Variants in GALNT13 observed in about 807,000 individuals in gnomAD.
The protein encoded by GALNT13 is polypeptide N-acetylgalactosaminyltransferase 13.
In GALNT13, 28 loss-of-function variants were observed where a neutral mutation model predicts 64.2. The observed-to-expected ratio is 0.44, with a 90% CI of 0.32 to 0.60. The LOEUF is 0.60. Among genes scored for constraint, GALNT13 ranks in the 20% least tolerant of loss-of-function variants. GALNT13 has a pLI of 0.05. For synonymous variants in GALNT13, 214 were observed against 224.6 expected, an observed-to-expected ratio of 0.95 and a Z score of 0.42; for missense variants, 577 against 669.8, an observed-to-expected ratio of 0.86 and a Z score of 1.53.
At chr2:153,405,727 A>AT in the GALNT13 span, among the ~76,000 whole-genome samples, 1 of 152,182 alleles carries the variant, frequency 6.6e-6, no homozygotes, top group South Asian at 2.1e-4. Context: ...GAAACATAAG[A>AT]TTTTGAAGGA....
chr2:153,193,869 C>T, the GALNT13 span, among the ~76,000 whole-genome samples: 2 of 152,084 alleles, frequency 1.3e-5, no homozygotes, highest in Admixed American at 6.5e-5. Context: ...TGTTGAGTTA[C>T]AGTATTGCTG....
the GALNT13 span, among the ~76,000 whole-genome samples, chr2:153,099,198 A>G: frequency 6.6e-6 from 1 of 152,210 alleles, no homozygotes; most frequent in South Asian, 2.1e-4. Flanking sequence ...ACATGATAAA[A>G]TGAGTTTTCA....
At chr2:154,310,115 A>G (rs1693952230) in intron 9 of GALNT13, among the ~76,000 whole-genome samples, 1 of 152,194 alleles carries the variant, frequency 6.6e-6, no homozygotes, top group South Asian at 2.1e-4. Context: ...TTAAAGTACC[A>G]TAATCATCCA....
Position 153,944,426 on chromosome 2 carries a change from C to T in GALNT13, c.-72C>T, listed in dbSNP as rs1691562698. On this transcript the variant is annotated 5_prime_UTR_variant, in exon 3 of 13. Transcript: ENST00000392825. ...TATCCTGCTTTCATCTTGGAGTTCA[C>T]CTGTGTGGCTTGGATTTATCACAGT... 1.4e-6 allele frequency: 2 copies of T among 1,401,988 alleles called. No individual in the cohort carries two copies. Among genetic ancestry groups the T allele is most frequent in the Non-Finnish European group, 2.0e-6 (2 of 1,009,616 alleles). The allele number at this position is 1,401,988 out of a possible 1,614,324, so 86.8% of individuals were successfully genotyped here.
intron 3 of GALNT13, among the ~76,000 whole-genome samples, chr2:154,038,217 C>T (rs1211351776): frequency 6.6e-6 from 1 of 152,116 alleles, no homozygotes; most frequent in Non-Finnish European, 1.5e-5. Context: ...ATCTCAGGTT[C>T]AGTGCAATCC....
chr2:154,266,891 T>A (rs1402060885), intron 8 of GALNT13, among the ~76,000 whole-genome samples: 2 of 151,924 alleles, frequency 1.3e-5, no homozygotes, highest in Non-Finnish European at 2.9e-5. Context: ...AAGGGATGTA[T>A]AATAGCTAAA....
At chr2:153,507,531 G>A in the GALNT13 span, among the ~76,000 whole-genome samples, 4 of 151,966 alleles carry the variant, frequency 2.6e-5, no homozygotes, top group African/African-American at 4.8e-5. Context: ...CACTAGCCTC[G>A]GCCTCCCAAA....
At chr2:154,277,978 A>G (rs1691742562) in intron 8 of GALNT13, among the ~76,000 whole-genome samples, 1 of 152,168 alleles carries the variant, frequency 6.6e-6, no homozygotes, top group African/African-American at 2.4e-5. Context: ...CTCTATCATC[A>G]AAGTTTTGGC....
the GALNT13 span, among the ~76,000 whole-genome samples, chr2:153,562,060 C>CTGTGTGTGTGTGTGTGTGTG: frequency 8.4e-6 from 1 of 118,904 alleles, no homozygotes; most frequent in African/African-American, 3.8e-5. Context: ...CTCTCTCTCT[C>CTGTGTGTGTGTGTGTGTGTG]TGTGTGTGTG....
At chr2:153,964,256 C>A (rs1442238208) in intron 3 of GALNT13, among the ~76,000 whole-genome samples, 1 of 152,092 alleles carries the variant, frequency 6.6e-6, no homozygotes, top group Admixed American at 6.5e-5. Context: ...TGAGACCAAC[C>A]TGGGCAACAT....
chr2:154,250,426 T>C (rs1468559229), intron 7 of GALNT13, among the ~76,000 whole-genome samples: 1 of 152,066 alleles, frequency 6.6e-6, no homozygotes, highest in Non-Finnish European at 1.5e-5. Context: ...TTACTTACGA[T>C]GTTTCTCTAT....
chr2:154,124,287 G>C (rs1390899487), intron 3 of GALNT13, among the ~76,000 whole-genome samples: 10 of 151,970 alleles, frequency 6.6e-5, no homozygotes, highest in Admixed American at 6.6e-4. Flanking sequence ...TATGTCCTTA[G>C]GTTTCTAGCC....
intron 3 of GALNT13, among the ~76,000 whole-genome samples, chr2:153,981,495 A>G (rs1694459992): frequency 6.6e-6 from 1 of 151,954 alleles, no homozygotes; most frequent in Non-Finnish European, 1.5e-5. Context: ...GCGATAGTTT[A>G]CTGAGAATGA....
chr2:153,538,367 A>ATTTATTTTAT, the GALNT13 span, among the ~76,000 whole-genome samples: 3 of 94,000 alleles, frequency 3.2e-5, no homozygotes, highest in Admixed American at 1.1e-4. Flanking sequence ...TTTTTATTTT[A>ATTTATTTTAT]TTTATTTTAT....
intron 9 of GALNT13, among the ~76,000 whole-genome samples, chr2:154,337,466 A>G (rs576196807): frequency 3.9e-5 from 6 of 152,064 alleles, no homozygotes; most frequent in Non-Finnish European, 7.4e-5. Context: ...CATCTAGATC[A>G]TGGGTATATA....
At chr2:153,094,081 C>T in the GALNT13 span, among the ~76,000 whole-genome samples, 1 of 152,006 alleles carries the variant, frequency 6.6e-6, no homozygotes, top group Admixed American at 6.6e-5. Context: ...TTTTTCTTAG[C>T]CTGACTAAAG....
intron 10 of GALNT13, among the ~76,000 whole-genome samples, chr2:154,396,378 G>A (rs799802): frequency 0.29 from 43,305 of 151,780 alleles, 6,752 homozygotes; most frequent in African/African-American, 0.41. Flanking sequence ...GGTCATTTAC[G>A]TTCTTAAAAT....
At chr2:154,402,601 C>T (rs998598865) in intron 10 of GALNT13, among the ~76,000 whole-genome samples, 1 of 152,136 alleles carries the variant, frequency 6.6e-6, no homozygotes, top group Non-Finnish European at 1.5e-5. Flanking sequence ...AAAAAGTTTA[C>T]CAGATCTTAG....
intron 2 of GALNT13, among the ~76,000 whole-genome samples, chr2:153,941,621 T>C (rs1691348032): frequency 6.6e-6 from 1 of 152,186 alleles, no homozygotes; most frequent in Admixed American, 6.5e-5. Flanking sequence ...TGTGCTTACG[T>C]TGGTTAGTAT....
Sources: allele counts gnomAD v4.1 joint callset (sites outside exome capture counted in the v4.1 genomes callset), GRCh38; gene constraint gnomAD v4.1.1; transcripts MANE v1.5; gene names NCBI Gene and HGNC (gene_info 2026-07-23, HGNC 2026-07-21).